RALA: variants seen among roughly 807,000 people sequenced by gnomAD.
RALA encodes RAS like proto-oncogene A, also known as ras-related protein Ral-A.
In RALA, 5 loss-of-function variants were observed where a neutral mutation model predicts 24.0. The observed-to-expected ratio is 0.21, with a 90% CI of 0.11 to 0.44. The LOEUF is 0.44. Among genes scored for constraint, RALA ranks in the 20% least tolerant of loss-of-function variants. The probability of loss-of-function intolerance (pLI) is 0.99; values close to 1 mark genes in which losing one functional copy is unlikely to be tolerated. For missense variants in RALA, 95 were observed against 241.2 expected, an observed-to-expected ratio of 0.39 and a Z score of 4.01; for synonymous variants, 77 against 83.8, an observed-to-expected ratio of 0.92 and a Z score of 0.44.
chr7:39,675,206 G>C (rs1792462739), intron 1 of RALA, among the ~76,000 whole-genome samples: 1 of 152,220 alleles, frequency 6.6e-6, no homozygotes, highest in Non-Finnish European at 1.5e-5. Flanking sequence ...ATCTGGGCAT[G>C]TGCAGAAAAG....
chr7:39,659,261 G>A (rs547812751), intron 1 of RALA, among the ~76,000 whole-genome samples: 31 of 152,238 alleles, frequency 2.0e-4, no homozygotes, highest in African/African-American at 6.7e-4. Context: ...CTCAGCCTGG[G>A]CAAGTGAGAG....
At chr7:39,686,041 A>G (rs1430699779) in intron 1 of RALA, among the ~76,000 whole-genome samples, 4 of 152,132 alleles carry the variant, frequency 2.6e-5, no homozygotes, top group Non-Finnish European at 5.9e-5. Context: ...CCCTGTCTCT[A>G]CTAAAAATGC....
intron 4 of RALA, among the ~76,000 whole-genome samples, chr7:39,704,193 G>A (rs1402666749): frequency 1.3e-5 from 2 of 148,878 alleles, no homozygotes; most frequent in Non-Finnish European, 3.0e-5. Flanking sequence ...TTTAAGATTT[G>A]TCTTTGTTTT....
At chr7:39,626,067 G>A (rs1791480328) in intron 1 of RALA, among the ~76,000 whole-genome samples, 1 of 152,160 alleles carries the variant, frequency 6.6e-6, no homozygotes, top group Admixed American at 6.5e-5. Context: ...GACAGTTTAT[G>A]ATTTTCATTG....
In RALA at chr7:39,692,052, A is replaced by G. The variant is rs139929966; in HGVS notation, c.323+1462A>G. On this transcript the variant is annotated intron_variant, in intron 3 of 4. Transcript: ENST00000005257. ...AGGGCGTACCTCCAATGCCTCTGCC[A>G]TAAATAAAAATGACCCTAGTGACTC... Among the ~76,000 whole-genome samples the G allele has an allele frequency of 2.5e-4, 38 of 152,356 alleles. No homozygotes were observed. In the East Asian group the frequency reaches 7.1e-3, roughly 29 times the overall value.
At chr7:39,682,872 T>C (rs1265947839) in intron 1 of RALA, among the ~76,000 whole-genome samples, 1 of 152,176 alleles carries the variant, frequency 6.6e-6, no homozygotes, top group Non-Finnish European at 1.5e-5. Context: ...TCTCCTGACC[T>C]CAAGTGATCC....
At chr7:39,629,580 C>T (rs1172256584) in intron 1 of RALA, among the ~76,000 whole-genome samples, 1 of 150,016 alleles carries the variant, frequency 6.7e-6, no homozygotes, top group Admixed American at 6.7e-5. Context: ...ACGCCTAGCA[C>T]GTTTTTGTAT....
intron 2 of RALA, 22 bp from the exon 3 acceptor site, chr7:39,690,360 G>C (rs762953346): frequency 1.9e-6 from 3 of 1,560,328 alleles, no homozygotes; most frequent in Non-Finnish European, 2.6e-6. Context: ...TTAAAAAATT[G>C]GTGTGTTTTT....
intron 1 of RALA, among the ~76,000 whole-genome samples, chr7:39,632,303 T>C (rs1317566504): frequency 6.6e-6 from 1 of 152,186 alleles, no homozygotes; most frequent in African/African-American, 2.4e-5. Context: ...TCTTTTCCAG[T>C]GTTTATGCCT....
intron 2 of RALA, among the ~76,000 whole-genome samples, chr7:39,688,738 T>C (rs1158379973): frequency 1.3e-5 from 2 of 152,156 alleles, no homozygotes; most frequent in Non-Finnish European, 2.9e-5. Flanking sequence ...TATGCCCAGC[T>C]AATTGTTGTA....
intron 3 of RALA, among the ~76,000 whole-genome samples, chr7:39,693,265 G>A (rs1027664246): frequency 2.6e-5 from 4 of 152,114 alleles, no homozygotes; most frequent in East Asian, 1.9e-4. Flanking sequence ...CATGTCCTTC[G>A]CAGGGACATG....
intron 1 of RALA, among the ~76,000 whole-genome samples, chr7:39,636,844 A>G (rs1455737708): frequency 6.6e-6 from 1 of 152,048 alleles, no homozygotes; most frequent in Non-Finnish European, 1.5e-5. Context: ...AGCAGGAGAG[A>G]GACACGGGGG....
At chr7:39,687,104 T>C (rs1268808963) in intron 2 of RALA, among the ~76,000 whole-genome samples, 1 of 152,162 alleles carries the variant, frequency 6.6e-6, no homozygotes, top group Non-Finnish European at 1.5e-5. Flanking sequence ...GTATAATACT[T>C]AAGAGAGACT....
At chr7:39,693,557 T>TA (rs1315052745) in intron 3 of RALA, among the ~76,000 whole-genome samples, 1 of 152,074 alleles carries the variant, frequency 6.6e-6, no homozygotes, top group Non-Finnish European at 1.5e-5. Flanking sequence ...CCCTACAACT[T>TA]AAAGTATAAT....
intron 1 of RALA, among the ~76,000 whole-genome samples, chr7:39,655,640 T>A (rs1792083315): frequency 6.6e-6 from 1 of 152,204 alleles, no homozygotes; most frequent in Non-Finnish European, 1.5e-5. Flanking sequence ...TAAAAAGGTA[T>A]GTAGATCTGA....
chr7:39,686,945 A>G (rs1251981882), intron 2 of RALA, among the ~76,000 whole-genome samples, 164 bp downstream of exon 2: 1 of 152,226 alleles, frequency 6.6e-6, no homozygotes, highest in Non-Finnish European at 1.5e-5. Flanking sequence ...TTGATTTTAC[A>G]AATCAGGAAC....
chr7:39,626,812 A>G (rs1235075196), intron 1 of RALA, among the ~76,000 whole-genome samples: 1 of 152,164 alleles, frequency 6.6e-6, no homozygotes, highest in Non-Finnish European at 1.5e-5. Flanking sequence ...TCTTTCACTA[A>G]TGGAAATGGG....
chr7:39,652,178 G>A (rs2115971235), intron 1 of RALA, among the ~76,000 whole-genome samples: 1 of 152,288 alleles, frequency 6.6e-6, no homozygotes, highest in African/African-American at 2.4e-5. Context: ...GAAAGGGCAA[G>A]GTGAAAAGTG....
In RALA at chr7:39,645,752, A is replaced by G. The variant is rs537137519; in HGVS notation, c.-38+21927A>G. On this transcript the variant is annotated intron_variant, in intron 1 of 4. Coordinates refer to ENST00000005257, the MANE Select transcript of RALA (RefSeq NM_005402.4). ...CAAGGAAAGCTTTCCATAAGTGACC[A>G]CAGGAGGACGAATAGGAATTTGATA... Among the ~76,000 whole-genome samples the G allele has an allele frequency of 6.6e-5, 10 of 152,342 alleles. No individual in the cohort carries two copies. The East Asian group carries it at 1.7e-3, about 26-fold the overall frequency.
Sources: gnomAD v4.1 joint callset for allele counts (sites outside exome capture counted in the v4.1 genomes callset) on GRCh38, gnomAD v4.1.1 for gene constraint, MANE v1.5 for transcripts, NCBI Gene and HGNC (gene_info 2026-07-23, HGNC 2026-07-21) for gene names.